Variants in NCAM1 observed in about 807,000 individuals in gnomAD.
The protein encoded by NCAM1 is neural cell adhesion molecule 1, also known as antigen recognized by monoclonal antibody 5.1H11.
In NCAM1, 14 loss-of-function variants were observed where a neutral mutation model predicts 109.8. The ratio of observed to expected loss-of-function variants is 0.13; its 90% CI spans 0.08 to 0.20. NCAM1 has a LOEUF of 0.20. Ranked by LOEUF, NCAM1 falls within the 10% of genes least tolerant of loss-of-function variation. The pLI, the probability that NCAM1 is intolerant of heterozygous loss-of-function variation, is 1.00. For synonymous variants in NCAM1, 418 were observed against 442.9 expected, an observed-to-expected ratio of 0.94 and a Z score of 0.70; for missense variants, 774 against 1,109.9, an observed-to-expected ratio of 0.70 and a Z score of 4.30.
chr11:113,266,285 T>TC (rs1383405267), intron 17 of NCAM1, among the ~76,000 whole-genome samples: 3 of 152,226 alleles, frequency 2.0e-5, no homozygotes, highest in Non-Finnish European at 2.9e-5. Context: ...TCACAGCCTG[T>TC]CCCTTCTTCA....
chr11:112,970,052 G>A (rs999417258), intron 1 of NCAM1, among the ~76,000 whole-genome samples: 1 of 152,148 alleles, frequency 6.6e-6, no homozygotes, highest in Non-Finnish European at 1.5e-5. Flanking sequence ...GAGAGGGCCT[G>A]TTTTCCTATA....
chr11:113,185,189 C>T (rs1555108685), intron 1 of NCAM1, among the ~76,000 whole-genome samples: 2 of 149,216 alleles, frequency 1.3e-5, no homozygotes, highest in African/African-American at 5.0e-5. Flanking sequence ...AGCTGAAGAC[C>T]CAAGAGAGCT....
intron 16 of NCAM1, among the ~76,000 whole-genome samples, chr11:113,259,082 C>T (rs1437858087): frequency 8.3e-5 from 12 of 144,462 alleles, no homozygotes; most frequent in Non-Finnish European, 1.3e-4. Context: ...GACGGAGTCT[C>T]GCTCTGTCGC....
chr11:113,145,659 T>C (rs1401873427), intron 1 of NCAM1, among the ~76,000 whole-genome samples: 1 of 152,146 alleles, frequency 6.6e-6, no homozygotes, highest in Non-Finnish European at 1.5e-5. Flanking sequence ...ATTTTCCAAG[T>C]CCATGTAAAG....
At chr11:113,137,982 A>G (rs1941663596) in intron 1 of NCAM1, among the ~76,000 whole-genome samples, 1 of 152,146 alleles carries the variant, frequency 6.6e-6, no homozygotes, top group South Asian at 2.1e-4. Flanking sequence ...AAAAATGCAG[A>G]CATATCTAAT....
chr11:113,023,663 T>G (rs375768173), intron 1 of NCAM1, among the ~76,000 whole-genome samples: 1 of 152,356 alleles, frequency 6.6e-6, no homozygotes, highest in South Asian at 2.1e-4. Context: ...TTTGTGTTTG[T>G]GTATCTAAGT....
rs142638440 is a variant in NCAM1 at position 113,244,412 on chromosome 11, C to T, written c.1826-1956C>T. ...GTTTGAGTCATTTTATTTTGAACCA[C>T]TTGACTACTGACCCAAATTGTAGGT... On this transcript the variant is annotated intron_variant, in intron 14 of 19. Coordinates refer to ENST00000316851, the MANE Select transcript of NCAM1 (RefSeq NM_181351.5). Among the ~76,000 whole-genome samples the T allele has an allele frequency of 5.8e-4, 89 of 152,330 alleles. 1 individual carries two copies. In the East Asian group the frequency reaches 0.016, roughly 28 times the overall value.
intron 8 of NCAM1, among the ~76,000 whole-genome samples, chr11:113,217,444 C>T (rs1196635250): frequency 6.6e-6 from 1 of 152,094 alleles, no homozygotes; most frequent in Non-Finnish European, 1.5e-5. Flanking sequence ...GCATAGTTTC[C>T]ATACCTTTTA....
intron 9 of NCAM1, chr11:113,221,895 A>G (rs1944703087): frequency 6.5e-6 from 1 of 152,972 alleles, no homozygotes; most frequent in Non-Finnish European, 1.5e-5. Context: ...TAAATTTATG[A>G]GATTAGAATG....
intron 1 of NCAM1, among the ~76,000 whole-genome samples, chr11:113,069,467 C>G (rs1313771768): frequency 1.3e-5 from 2 of 152,068 alleles, no homozygotes; most frequent in African/African-American, 4.8e-5. Context: ...GATTAGGTTG[C>G]TTTTAAGGCA....
chr11:113,178,790 G>T (rs1943246000), intron 1 of NCAM1, among the ~76,000 whole-genome samples: 1 of 152,204 alleles, frequency 6.6e-6, no homozygotes, highest in Non-Finnish European at 1.5e-5. Flanking sequence ...TGGGACTAGA[G>T]TTCAGGGAGT....
At chr11:113,071,421 A>ATTTTTT (rs66821824) in intron 1 of NCAM1, among the ~76,000 whole-genome samples, 4 of 127,658 alleles carry the variant, frequency 3.1e-5, no homozygotes, top group Admixed American at 1.6e-4. Context: ...TGTTGGTTGG[A>ATTTTTT]TTTTTTTTTT....
chr11:113,239,882 A>T (rs1591449382), intron 14 of NCAM1, among the ~76,000 whole-genome samples: 1 of 152,202 alleles, frequency 6.6e-6, no homozygotes, highest in African/African-American at 2.4e-5. Flanking sequence ...ATTAGATATT[A>T]AGGCAGTGGC....
intron 1 of NCAM1, among the ~76,000 whole-genome samples, chr11:113,178,397 C>G (rs1943232843): frequency 6.6e-6 from 1 of 152,214 alleles, no homozygotes; most frequent in Admixed American, 6.5e-5. Flanking sequence ...GTCTACCTTT[C>G]TGCCCTGAGA....
intron 1 of NCAM1, among the ~76,000 whole-genome samples, chr11:113,134,986 T>C (rs1172956609): frequency 6.6e-6 from 1 of 152,130 alleles, no homozygotes; most frequent in African/African-American, 2.4e-5. Context: ...GGGAGAACAG[T>C]ACCTGAGCTA....
intron 1 of NCAM1, among the ~76,000 whole-genome samples, chr11:113,005,308 A>C (rs1555073134): frequency 6.6e-6 from 1 of 152,220 alleles, no homozygotes; most frequent in East Asian, 1.9e-4. Context: ...AAAGCCACAG[A>C]GACCCTATGT....
intron 9 of NCAM1, 107 bp downstream of exon 9, chr11:113,221,432 C>CT: frequency 4.1e-6 from 5 of 1,216,878 alleles, no homozygotes; most frequent in Non-Finnish European, 5.9e-6. Flanking sequence ...AGTAATTTAG[C>CT]TAAAGAATAG....
At chr11:113,250,337 C>T (rs782180847) in intron 15 of NCAM1, among the ~76,000 whole-genome samples, 3 of 152,142 alleles carry the variant, frequency 2.0e-5, no homozygotes, top group Non-Finnish European at 4.4e-5. Flanking sequence ...TGTTTGTCGT[C>T]GAGGGCTAAG....
At chr11:113,111,517 T>A (rs1940443219) in intron 1 of NCAM1, among the ~76,000 whole-genome samples, 1 of 148,940 alleles carries the variant, frequency 6.7e-6, no homozygotes, top group Non-Finnish European at 1.5e-5. Context: ...GGGTGGGAGG[T>A]CTGGACCACA....
Sources: gnomAD v4.1 joint callset for allele counts (sites outside exome capture counted in the v4.1 genomes callset) on GRCh38, gnomAD v4.1.1 for gene constraint, MANE v1.5 for transcripts, NCBI Gene and HGNC (gene_info 2026-07-23, HGNC 2026-07-21) for gene names.